Variants in BICDL1 observed in about 807,000 individuals in gnomAD.
The protein encoded by BICDL1 is BICD family like cargo adaptor 1.
Under a neutral mutation model 76.8 loss-of-function variants are expected in BICDL1, and 20 were observed. The observed-to-expected ratio is 0.26, with a 90% CI of 0.18 to 0.38. The LOEUF is 0.38. BICDL1 is among the 10% of genes least tolerant of loss of function. BICDL1 has a pLI of 1.00. For missense variants in BICDL1, 700 were observed against 798.6 expected, an observed-to-expected ratio of 0.88 and a Z score of 1.49; for synonymous variants, 383 against 337.1, an observed-to-expected ratio of 1.14 and a Z score of -1.49.
rs530381441 is a variant in BICDL1 at position 120,056,489 on chromosome 12, G to C, written c.646-5221G>C. ...TAATCCTAGCACTTTGGGAGGCCAA[G>C]GTGGGCGGATCACGAGGTCAGAAGT... On this transcript the variant is annotated intron_variant, in intron 2 of 9. Coordinates refer to ENST00000548673, the MANE Select transcript of BICDL1 (RefSeq NM_001367886.1). Among the ~76,000 whole-genome samples the C allele has an allele frequency of 3.9e-5, 6 of 152,306 alleles. No homozygotes were observed. The East Asian group carries it at 9.6e-4, about 24-fold the overall frequency.
At chr12:120,065,893 G>A (rs1276709425) in intron 4 of BICDL1, among the ~76,000 whole-genome samples, 3 of 152,158 alleles carry the variant, frequency 2.0e-5, no homozygotes, top group African/African-American at 4.8e-5. Context: ...GTGATTAACC[G>A]CTTTGAGGGA....
At chr12:120,036,351 C>G (rs1035820204) in intron 2 of BICDL1, among the ~76,000 whole-genome samples, 2 of 152,160 alleles carry the variant, frequency 1.3e-5, no homozygotes, top group Non-Finnish European at 2.9e-5. Context: ...CATGGGATAG[C>G]CTTTATGCTA....
At chr12:119,990,433 A>T in intron 1 of BICDL1, 136 bp downstream of exon 1, 1 of 1,447,176 alleles carries the variant, frequency 6.9e-7, no homozygotes, top group Non-Finnish European at 9.2e-7. Context: ...TGAATGGGGG[A>T]GGGAGGATGG....
intron 2 of BICDL1, among the ~76,000 whole-genome samples, chr12:120,061,022 G>A (rs1953093671): frequency 6.6e-6 from 1 of 152,196 alleles, no homozygotes; most frequent in Non-Finnish European, 1.5e-5. Context: ...GTCTGGGCTG[G>A]GACCCTCAGG....
chr12:120,013,126 C>A (rs1026193070), intron 2 of BICDL1, among the ~76,000 whole-genome samples: 10 of 152,098 alleles, frequency 6.6e-5, no homozygotes, highest in Non-Finnish European at 1.3e-4. Flanking sequence ...GCCTGGCCAA[C>A]ATGGCGAAAC....
At chr12:120,081,219 A>AT (rs1873955260) in intron 8 of BICDL1, among the ~76,000 whole-genome samples, 1 of 125,872 alleles carries the variant, frequency 7.9e-6, no homozygotes, top group Non-Finnish European at 1.6e-5. Flanking sequence ...TTAGCTGTGC[A>AT]TTTTTTGCAG....
chr12:120,092,451 G>A, intron 9 of BICDL1: 1 of 985,490 alleles, frequency 1.0e-6, no homozygotes. Context: ...AGCACCCAGG[G>A]CATCCTTGCC....
intron 2 of BICDL1, among the ~76,000 whole-genome samples, chr12:120,060,394 C>T (rs1418700946): frequency 6.6e-6 from 1 of 152,164 alleles, no homozygotes; most frequent in Non-Finnish European, 1.5e-5. Context: ...TGATTCCTTG[C>T]ATCATAAAGC....
chr12:120,087,138 G>C (rs1874486592), intron 8 of BICDL1, among the ~76,000 whole-genome samples: 1 of 152,266 alleles, frequency 6.6e-6, no homozygotes, highest in Admixed American at 6.5e-5. Flanking sequence ...CGCTACTGGA[G>C]GGGTGTCCAT....
chr12:120,077,111 G>C (rs190043946), intron 7 of BICDL1, among the ~76,000 whole-genome samples: 39 of 152,368 alleles, frequency 2.6e-4, no homozygotes, highest in African/African-American at 9.4e-4. Context: ...CCCAGCCTCT[G>C]AGCCTGTCAC....
chr12:120,008,150 C>CTTTTTTTTTT (rs71072590), intron 2 of BICDL1, among the ~76,000 whole-genome samples: 2 of 61,718 alleles, frequency 3.2e-5, no homozygotes, highest in African/African-American at 7.0e-5. Flanking sequence ...ATTACTCTTT[C>CTTTTTTTTTT]TTTTTTTTTT....
In BICDL1 at chr12:120,016,314, A is replaced by G. The variant is rs995557861; in HGVS notation, c.645+17578A>G. Among the ~76,000 whole-genome samples, 5 of 151,934 alleles carry G rather than the reference A, an allele frequency of 3.3e-5. No homozygotes were observed. The East Asian group carries it at 7.7e-4, about 24-fold the overall frequency. On this transcript the variant is annotated intron_variant, in intron 2 of 9. Coordinates refer to ENST00000548673, the MANE Select transcript of BICDL1 (RefSeq NM_001367886.1). ...TTAATGGAGATTTGGATTGTTTCCA[A>G]TTTTCAACTATTATGAATAGTGCTG... is the stretch of plus-strand genomic sequence containing the variant.
chr12:120,045,151 A>G (rs1335966670), intron 2 of BICDL1, among the ~76,000 whole-genome samples: 1 of 152,202 alleles, frequency 6.6e-6, no homozygotes, highest in Non-Finnish European at 1.5e-5. Flanking sequence ...TTATGCAGCC[A>G]AAAAACACAT....
chr12:120,024,041 A>G (rs1338988864), intron 2 of BICDL1, among the ~76,000 whole-genome samples: 1 of 152,164 alleles, frequency 6.6e-6, no homozygotes, highest in African/African-American at 2.4e-5. Context: ...GCACTTTGGG[A>G]GGCCAAAGCA....
Position 119,992,717 on chromosome 12 carries a change from A to G in BICDL1, c.429+2420A>G, listed in dbSNP as rs76222808. ...TCAATTAAATCAAACACTTGGGAGT[A>G]TAAAACCAGTACTTTAAGACGCATT... On this transcript the variant is annotated intron_variant, in intron 1 of 9. Coordinates refer to ENST00000548673, the MANE Select transcript of BICDL1 (RefSeq NM_001367886.1). The G allele has an allele frequency of 1.5e-3, 223 of 152,332 alleles. 1 individual carries two copies. The highest frequency in any genetic ancestry group is 5.0e-3 in the African/African-American group (209 of 41,574). 9.4% of individuals were successfully genotyped at this position (152,332 alleles called of 1,614,324 possible).
intron 2 of BICDL1, among the ~76,000 whole-genome samples, chr12:120,053,428 T>C (rs1952907309): frequency 1.3e-5 from 2 of 152,330 alleles, no homozygotes; most frequent in Middle Eastern, 6.8e-3. Flanking sequence ...AGAAGAGCCC[T>C]TTTCCCCGTT....
intron 2 of BICDL1, among the ~76,000 whole-genome samples, chr12:120,004,843 C>CG (rs1427855742): frequency 6.6e-6 from 1 of 152,248 alleles, no homozygotes; most frequent in African/African-American, 2.4e-5. Flanking sequence ...GTTTCTGAGA[C>CG]GGAGTGTCGC....
At chr12:120,057,099 C>G in intron 2 of BICDL1, 1 of 522,576 alleles carries the variant, frequency 1.9e-6, no homozygotes, top group Non-Finnish European at 3.8e-6. Flanking sequence ...GAATTTGATG[C>G]TGTGGTTGTA....
Position 120,094,236 on chromosome 12 carries a change from C to T in BICDL1, c.*1075C>T, listed in dbSNP as rs1013654894. The T allele has an allele frequency of 4.2e-5, 19 of 456,634 alleles. No homozygotes were observed. The highest frequency in any genetic ancestry group is 7.5e-5 in the Non-Finnish European group (17 of 226,978). The allele number at this position is 456,634 out of a possible 1,614,324, so 28.3% of individuals were successfully genotyped here. ...TCAGAGGCTCCGCGGCCCGGCCAGC[C>T]CTCAGCTGCTCACAACCGATTCAGT... On this transcript the variant is annotated 3_prime_UTR_variant, in exon 10 of 10. Transcript: ENST00000548673.
Sources: allele counts gnomAD v4.1 joint callset (sites outside exome capture counted in the v4.1 genomes callset), GRCh38; gene constraint gnomAD v4.1.1; transcripts MANE v1.5; gene names NCBI Gene and HGNC (gene_info 2026-07-23, HGNC 2026-07-21).